CNOT6L: variants seen among roughly 807,000 people sequenced by gnomAD.
CNOT6L encodes CCR4-NOT transcription complex subunit 6 like.
Under a neutral mutation model 64.0 loss-of-function variants are expected in CNOT6L, and 7 were observed. The ratio of observed to expected loss-of-function variants is 0.11; its 90% CI spans 0.06 to 0.21. CNOT6L has a LOEUF of 0.21. Ranked by LOEUF, CNOT6L falls within the 10% of genes least tolerant of loss-of-function variation. The probability of loss-of-function intolerance (pLI) is 1.00; values close to 1 mark genes in which losing one functional copy is unlikely to be tolerated. For synonymous variants in CNOT6L, 193 were observed against 243.4 expected (o/e 0.79, Z 1.93); for missense variants, 245 against 669.0 (o/e 0.37, Z 6.99).
intron 1 of CNOT6L, among the ~76,000 whole-genome samples, chr4:77,779,660 G>C (rs1198180561): frequency 6.6e-6 from 1 of 152,092 alleles, no homozygotes; most frequent in Non-Finnish European, 1.5e-5. Context: ...TGATTAGGAT[G>C]CCAATAAAAA....
chr4:77,760,874 T>TTTTTTTG, intron 4 of CNOT6L, among the ~76,000 whole-genome samples: 1 of 116,496 alleles, frequency 8.6e-6, no homozygotes, highest in Non-Finnish European at 1.8e-5. Context: ...TTTTTTTTTT[T>TTTTTTTG]TTTTTTTTTT....
chr4:77,807,446 T>C (rs1732379462), intron 1 of CNOT6L, among the ~76,000 whole-genome samples: 1 of 151,126 alleles, frequency 6.6e-6, no homozygotes, highest in Non-Finnish European at 1.5e-5. Context: ...CAAGGCAATG[T>C]AGTAAGTGTT....
intron 4 of CNOT6L, among the ~76,000 whole-genome samples, chr4:77,768,741 A>C (rs1393068539): frequency 6.6e-6 from 1 of 152,020 alleles, no homozygotes; most frequent in South Asian, 2.1e-4. Context: ...AATGTAAATT[A>C]AGAGTACAGT....
At chr4:77,733,801 T>G (rs758491765) in intron 8 of CNOT6L, among the ~76,000 whole-genome samples, 4 of 152,096 alleles carry the variant, frequency 2.6e-5, no homozygotes, top group South Asian at 2.1e-4. Context: ...ATCTAATTTC[T>G]CTTCCAAATG....
chr4:77,775,649 C>T (rs1728064145), intron 2 of CNOT6L, among the ~76,000 whole-genome samples: 1 of 152,146 alleles, frequency 6.6e-6, no homozygotes. Flanking sequence ...TCAACGCAGG[C>T]TACCATTTTG....
intron 1 of CNOT6L, among the ~76,000 whole-genome samples, chr4:77,801,195 T>C (rs1044817819): frequency 1.2e-4 from 18 of 152,180 alleles, no homozygotes; most frequent in Admixed American, 5.2e-4. Flanking sequence ...CACTGAAAAG[T>C]AGACACCCAG....
chr4:77,775,501 G>T (rs189296120), intron 2 of CNOT6L, among the ~76,000 whole-genome samples: 1 of 152,042 alleles, frequency 6.6e-6, no homozygotes, highest in Non-Finnish European at 1.5e-5. Flanking sequence ...CCCTCCTTCA[G>T]CTTCCCTAAC....
At chr4:77,741,230 A>G (rs1375531580) in intron 8 of CNOT6L, among the ~76,000 whole-genome samples, 1 of 152,228 alleles carries the variant, frequency 6.6e-6, no homozygotes, top group Non-Finnish European at 1.5e-5. Flanking sequence ...GTAGGCATAG[A>G]TAAATGGGAA....
Position 77,719,430 on chromosome 4 carries a change from T to C in CNOT6L, c.*1001A>G, listed in dbSNP as rs1721065902. 1 of 152,636 alleles carries C rather than the reference T, an allele frequency of 6.6e-6. No homozygotes were observed. The highest frequency in any genetic ancestry group is 2.1e-4 in the South Asian group (1 of 4,834). The allele number at this position is 152,636 out of a possible 1,614,324, so 9.5% of individuals were successfully genotyped here. ...GAAACCAACAGCCACATAATCTATG[T>C]TGGAAACACATAAAATATCTGTATG... On this transcript the variant is annotated 3_prime_UTR_variant, in exon 12 of 12. Coordinates refer to ENST00000504123, the MANE Select transcript of CNOT6L (RefSeq NM_144571.3).
Position 77,720,983 on chromosome 4 carries a change from T to G in CNOT6L, c.1456-340A>C, listed in dbSNP as rs575809303. Among the ~76,000 whole-genome samples the G allele has an allele frequency of 9.2e-5, 14 of 152,344 alleles. No individual in the cohort carries two copies. The East Asian group carries it at 2.5e-3, about 27-fold the overall frequency. The stretch of plus-strand genomic sequence containing the variant: ...AGTATAAATATAATGGAGCCTGTAC[T>G]AATCCTATTGGCTATAATAAGTAGA... On this transcript the variant is annotated intron_variant, in intron 11 of 11. Coordinates refer to ENST00000504123, the MANE Select transcript of CNOT6L (RefSeq NM_144571.3).
In CNOT6L at chr4:77,729,098, C is replaced by T. The variant is rs1379680328; in HGVS notation, c.1025-17G>A. 2 of 1,582,866 alleles carry T rather than the reference C, an allele frequency of 1.3e-6. No individual in the cohort carries two copies. The highest frequency in any genetic ancestry group is 8.7e-7 in the Non-Finnish European group (1 of 1,154,224). ...GCTTCATACCTAAATTTAAACATTACAAAAAGAAGACAAAGTTATGCTTTA... is the reference window on the plus strand; with the variant it reads ...GCTTCATACCTAAATTTAAACATTATAAAAAGAAGACAAAGTTATGCTTTA... On this transcript the variant is annotated splice_polypyrimidine_tract_variant and intron_variant, in intron 9 of 11. Coordinates refer to ENST00000504123, the MANE Select transcript of CNOT6L (RefSeq NM_144571.3).
intron 8 of CNOT6L, among the ~76,000 whole-genome samples, chr4:77,738,446 A>G (rs1249719143): frequency 6.6e-6 from 1 of 152,028 alleles, no homozygotes; most frequent in Non-Finnish European, 1.5e-5. Context: ...AGAAATTTAA[A>G]TTATGAGTCT....
intron 1 of CNOT6L, among the ~76,000 whole-genome samples, chr4:77,786,302 A>G (rs1729437216): frequency 6.6e-6 from 1 of 151,050 alleles, no homozygotes; most frequent in Non-Finnish European, 1.5e-5. Context: ...AGAAAGAGAG[A>G]CAGAGAGAGA....
Position 77,778,751 on chromosome 4 carries a change from A to AAACACAGGGCAGGCC in CNOT6L, c.6-2374_6-2360dup, listed in dbSNP as rs1335978579. 8.4e-4 allele frequency among the ~76,000 whole-genome samples: 128 copies of AAACACAGGGCAGGCC among 151,774 alleles called. 2 individuals carry two copies. The highest frequency in any genetic ancestry group is 2.9e-4 in the Non-Finnish European group (20 of 67,888). ...AGCCCAATTTTAGATCATTTTTATA[A>AAACACAGGGCAGGCC]AACACAGGGCAGGCCGGGCACGGTG... On this transcript the variant is annotated intron_variant, in intron 1 of 11. Transcript: ENST00000504123.
chr4:77,804,209 C>A (rs1410825310), intron 1 of CNOT6L, among the ~76,000 whole-genome samples: 1 of 152,064 alleles, frequency 6.6e-6, no homozygotes, highest in Non-Finnish European at 1.5e-5. Flanking sequence ...GGGCAGATCA[C>A]CTGAAGTCAG....
At position 77,747,805 on chromosome 4, in the gene CNOT6L, GCTGGTATTATA is replaced by G. The variant is rs560974583; in HGVS notation, c.559+500_559+510del. Among the ~76,000 whole-genome samples the G allele has an allele frequency of 7.2e-5, 11 of 152,214 alleles. No individual in the cohort carries two copies. The South Asian group carries it at 1.5e-3, about 20-fold the overall frequency. ...CTATGTACTACTTCTACACCCCTGG[GCTGGTATTATA>G]CTTTGTTGCCAGTATAGTAAATATA... is the stretch of plus-strand genomic sequence containing the variant. On this transcript the variant is annotated intron_variant, in intron 6 of 11. Coordinates refer to ENST00000504123, the MANE Select transcript of CNOT6L (RefSeq NM_144571.3).
At chr4:77,788,519 G>A (rs1289720414) in intron 1 of CNOT6L, among the ~76,000 whole-genome samples, 2 of 152,260 alleles carry the variant, frequency 1.3e-5, no homozygotes, top group Non-Finnish European at 2.9e-5. Context: ...CCTGAGCTCA[G>A]GAGTTCAAGA....
chr4:77,723,141 T>G (rs2109857747), intron 11 of CNOT6L, among the ~76,000 whole-genome samples: 1 of 152,304 alleles, frequency 6.6e-6, no homozygotes, highest in Middle Eastern at 3.4e-3. Context: ...GATTAGAGGA[T>G]AAACGTGGGG....
chr4:77,786,080 A>C (rs1270509051), intron 1 of CNOT6L, among the ~76,000 whole-genome samples: 1 of 152,036 alleles, frequency 6.6e-6, no homozygotes, highest in African/African-American at 2.4e-5. Flanking sequence ...CAGGCGTTCA[A>C]GACCAGCCTG....
Sources: allele counts gnomAD v4.1 joint callset (sites outside exome capture counted in the v4.1 genomes callset), GRCh38; gene constraint gnomAD v4.1.1; transcripts MANE v1.5; gene names NCBI Gene and HGNC (gene_info 2026-07-23, HGNC 2026-07-21).